The following FA2H variants were observed in gnomAD, a reference collection of about 807,000 sequenced individuals.
FA2H encodes the protein fatty acid alpha-hydroxylase.
A neutral mutation model predicts 44.9 loss-of-function variants in FA2H; 22 were observed. That is an observed-to-expected ratio of 0.49 (90% CI 0.35 to 0.70). The LOEUF (loss-of-function observed/expected upper bound fraction) is 0.70. Ranked by LOEUF, FA2H falls within the 30% of genes least tolerant of loss-of-function variation. The pLI, the probability that FA2H is intolerant of heterozygous loss-of-function variation, is 0.01. For synonymous variants in FA2H, 243 were observed against 213.2 expected, an observed-to-expected ratio of 1.14 and a Z score of -1.22; for missense variants, 501 against 504.9, an observed-to-expected ratio of 0.99 and a Z score of 0.07.
At chr16:74,753,008 C>A (rs1962555499) in intron 1 of FA2H, among the ~76,000 whole-genome samples, 1 of 152,204 alleles carries the variant, frequency 6.6e-6, no homozygotes, top group Non-Finnish European at 1.5e-5. Context: ...TCTGAAAACA[C>A]CCGTCCCTCA....
intron 1 of FA2H, among the ~76,000 whole-genome samples, chr16:74,762,860 A>G (rs560412310): frequency 1.3e-5 from 2 of 152,316 alleles, no homozygotes; most frequent in South Asian, 2.1e-4. Flanking sequence ...GTGGCCTTTT[A>G]TTAGGATTCA....
In FA2H at chr16:74,719,115, A is replaced by T; in HGVS notation, c.659T>A (p.Met220Lys). ...GAGGCTCCAGAGGAATGTCCCCAGC[A>T]TGAAGAGCCCGGGGAACATGGACTT... ...VPKSMFPGLF[M>K]LGTFLWSLIE... Residue 220 changes from methionine (M) to lysine (K), a missense_variant, in exon 5 of 7, where the codon ATG becomes AAG. Coordinates refer to ENST00000219368, the MANE Select transcript of FA2H (RefSeq NM_024306.5). The T allele has an allele frequency of 6.2e-7, 1 of 1,613,956 alleles. No individual in the cohort carries two copies. The highest frequency in any genetic ancestry group is 8.5e-7 in the Non-Finnish European group (1 of 1,180,022).
At chr16:74,771,480 G>C in intron 1 of FA2H, among the ~76,000 whole-genome samples, 1 of 151,920 alleles carries the variant, frequency 6.6e-6, no homozygotes, top group East Asian at 1.9e-4. Flanking sequence ...ACCACACCCA[G>C]TGCACAACCA....
intron 4 of FA2H, among the ~76,000 whole-genome samples, chr16:74,724,337 C>T (rs1272263212): frequency 2.0e-5 from 3 of 152,224 alleles, no homozygotes; most frequent in Non-Finnish European, 2.9e-5. Flanking sequence ...GGATGCCACT[C>T]GCTCTAACGT....
At chr16:74,714,973 A>T (rs1281865872) in intron 6 of FA2H, among the ~76,000 whole-genome samples, 1 of 151,418 alleles carries the variant, frequency 6.6e-6, no homozygotes, top group African/African-American at 2.4e-5. Flanking sequence ...AGTAGCTGGG[A>T]TTACAGGCGC....
rs1442165835 is a variant in FA2H, at chr16:74,714,278, G to T, written c.1040-9C>A. ...AGTGCTGATACCAAATCCTAGAGAG[G>T]GAGACAAACGGGGAGAAGATGAGGC... On this transcript the variant is annotated splice_polypyrimidine_tract_variant and intron_variant, in intron 6 of 6. Coordinates refer to ENST00000219368, the MANE Select transcript of FA2H (RefSeq NM_024306.5). 6.5e-7 allele frequency: 1 copy of T among 1,531,934 alleles called. No homozygotes were observed. Among genetic ancestry groups the T allele is most frequent in the Non-Finnish European group, 8.9e-7 (1 of 1,127,542 alleles). The allele number at this position is 1,531,934 out of a possible 1,614,324, so 94.9% of individuals were successfully genotyped here. A position where few individuals can be genotyped will look rare whatever the true frequency, so the allele number is the denominator to read the frequency against.
chr16:74,767,261 A>AT, intron 1 of FA2H, among the ~76,000 whole-genome samples: 1 of 152,256 alleles, frequency 6.6e-6, no homozygotes, highest in African/African-American at 2.4e-5. Context: ...GTGAGCCGAG[A>AT]TTGTGCCATT....
intron 1 of FA2H, among the ~76,000 whole-genome samples, chr16:74,762,104 G>C (rs570821315): frequency 6.6e-6 from 1 of 151,694 alleles, no homozygotes; most frequent in African/African-American, 2.4e-5. Context: ...GTGCAGTGGC[G>C]TGATCTCGGC....
chr16:74,754,398 GAACAAAA>G (rs893749352), intron 1 of FA2H, among the ~76,000 whole-genome samples: 101 of 151,678 alleles, frequency 6.7e-4, no homozygotes, highest in Middle Eastern at 3.4e-3. Flanking sequence ...TCCATCTCAA[GAACAAAA>G]AACAAAAAAC....
chr16:74,742,610 G>A (rs971577011), intron 1 of FA2H, among the ~76,000 whole-genome samples: 1 of 152,174 alleles, frequency 6.6e-6, no homozygotes, highest in Non-Finnish European at 1.5e-5. Context: ...GAGGTGGGAG[G>A]ATTGCTTAAG....
intron 1 of FA2H, among the ~76,000 whole-genome samples, chr16:74,768,248 T>G (rs1567652062): frequency 1.3e-5 from 2 of 152,192 alleles, no homozygotes; most frequent in Non-Finnish European, 2.9e-5. Flanking sequence ...AATCCTAATT[T>G]TTGACCCTCT....
chr16:74,772,711 G>A (rs1478757961), intron 1 of FA2H, among the ~76,000 whole-genome samples: 1 of 152,128 alleles, frequency 6.6e-6, no homozygotes, highest in Non-Finnish European at 1.5e-5. Flanking sequence ...CCTTATCCAC[G>A]GTTTCACTTT....
At chr16:74,753,218 C>T (rs976472344) in intron 1 of FA2H, among the ~76,000 whole-genome samples, 3 of 152,164 alleles carry the variant, frequency 2.0e-5, no homozygotes, top group Admixed American at 6.5e-5. Flanking sequence ...AAAGTCACAC[C>T]GCCAGTTAGA....
Position 74,713,685 on chromosome 16 carries a change from C to T in FA2H, c.*505G>A, listed in dbSNP as rs930910226. 1.3e-5 allele frequency: 2 copies of T among 158,178 alleles called. No individual in the cohort carries two copies. Among genetic ancestry groups the T allele is most frequent in the South Asian group, 1.9e-4 (1 of 5,294 alleles). The allele number at this position is 158,178 out of a possible 1,614,324, so 9.8% of individuals were successfully genotyped here. ...GGAGGCATCACGCTGTCTCTTCTTG[C>T]GAGAGCTCTTTGTCCACCTCAGAGC... On this transcript the variant is annotated 3_prime_UTR_variant, in exon 7 of 7. Transcript: ENST00000219368.
intron 1 of FA2H, among the ~76,000 whole-genome samples, chr16:74,754,401 C>CA (rs1402104434): frequency 2.0e-5 from 3 of 151,380 alleles, no homozygotes; most frequent in Non-Finnish European, 4.4e-5. Context: ...ATCTCAAGAA[C>CA]AAAAAACAAA....
intron 1 of FA2H, among the ~76,000 whole-genome samples, chr16:74,754,826 T>A (rs1225966540): frequency 1.3e-5 from 2 of 151,816 alleles, no homozygotes; most frequent in East Asian, 3.9e-4. Flanking sequence ...CCACCCCTGG[T>A]CAGAAATAGG....
chr16:74,757,746 G>GTGGCACATGCCTGTAATCC (rs1392733217), intron 1 of FA2H, among the ~76,000 whole-genome samples: 1 of 152,196 alleles, frequency 6.6e-6, no homozygotes, highest in East Asian at 1.9e-4. Flanking sequence ...GCTGGGCGTC[G>GTGGCACATGCCTGTAATCC]TGGCACATGC....
intron 4 of FA2H, among the ~76,000 whole-genome samples, chr16:74,725,347 C>G (rs1961929069): frequency 6.6e-6 from 1 of 152,218 alleles, no homozygotes; most frequent in Non-Finnish European, 1.5e-5. Flanking sequence ...CCAGGACAGA[C>G]AGACCACAGG....
chr16:74,757,249 C>T (rs1043408174), intron 1 of FA2H, among the ~76,000 whole-genome samples: 14 of 152,160 alleles, frequency 9.2e-5, no homozygotes, highest in African/African-American at 3.4e-4. Context: ...CATGGAAAGA[C>T]TCAGAACCTC....
Sources: allele counts gnomAD v4.1 joint callset (sites outside exome capture counted in the v4.1 genomes callset), GRCh38; gene constraint gnomAD v4.1.1; transcripts MANE v1.5; gene names NCBI Gene and HGNC (gene_info 2026-07-23, HGNC 2026-07-21).